The following TGM5 variants were observed in gnomAD, a reference collection of about 807,000 sequenced individuals.
TGM5 encodes protein-glutamine gamma-glutamyltransferase 5.
A neutral mutation model predicts 77.2 loss-of-function variants in TGM5; 69 were observed. The observed-to-expected ratio is 0.89, with a 90% CI of 0.74 to 1.09. The LOEUF is 1.09. Among genes scored for constraint, TGM5 ranks in the 50% least tolerant of loss-of-function variants. The pLI is 0.00. For missense variants in TGM5, 842 were observed against 896.5 expected (o/e 0.94, Z 0.78); for synonymous variants, 346 against 351.8 (o/e 0.98, Z 0.18).
At position 43,238,853 on chromosome 15, in the gene TGM5, G is replaced by T. The variant is rs375323388; in HGVS notation, c.1309C>A (p.Arg437=). Residue 437 remains arginine (R), a synonymous_variant, in exon 9 of 13, where the codon CGG becomes AGG. Coordinates refer to ENST00000220420, the MANE Select transcript of TGM5 (RefSeq NM_201631.4). The stretch of plus-strand genomic sequence containing the variant: ...TTGTAGTTCTCTGTGATGTCATCCC[G>T]CTCGTCACTCTGGATGCTCTTTGTG... ...ISTKSIQSDE[R]DDITENYKYE... The T allele has an allele frequency of 2.5e-6, 4 of 1,614,040 alleles. No homozygotes were observed. Among genetic ancestry groups the T allele is most frequent in the African/African-American group, 2.7e-5 (2 of 74,996 alleles).
intron 6 of TGM5, among the ~76,000 whole-genome samples, chr15:43,246,094 T>C (rs1408894485): frequency 6.6e-6 from 1 of 152,186 alleles, no homozygotes; most frequent in East Asian, 1.9e-4. Flanking sequence ...GAATATTTTA[T>C]ATCTAACTTC....
At chr15:43,253,157 C>T (rs1201022335) in intron 5 of TGM5, among the ~76,000 whole-genome samples, 1 of 152,176 alleles carries the variant, frequency 6.6e-6, no homozygotes, top group Non-Finnish European at 1.5e-5. Context: ...TTCCTATCTA[C>T]CCCTTACCCA....
Position 43,249,478 on chromosome 15 carries a change from A to C in TGM5, c.862+3281T>G, listed in dbSNP as rs1050015546. The stretch of plus-strand genomic sequence containing the variant: ...CCACGCTCTACTTTCTATCTCTATG[A>C]ATTTGCCTGCTCTGGACATTTCATA... On this transcript the variant is annotated intron_variant, in intron 6 of 12. Coordinates refer to ENST00000220420, the MANE Select transcript of TGM5 (RefSeq NM_201631.4). Among the ~76,000 whole-genome samples, 4 of 152,298 alleles carry C rather than the reference A, an allele frequency of 2.6e-5. No individual in the cohort carries two copies. In the South Asian group the frequency reaches 8.3e-4, roughly 32 times the overall value.
chr15:43,254,381 A>G (rs901851989), intron 4 of TGM5, among the ~76,000 whole-genome samples: 1 of 152,248 alleles, frequency 6.6e-6, no homozygotes, highest in Admixed American at 6.5e-5. Flanking sequence ...AGCACATTGC[A>G]GGAACTCTGT....
rs1232129373 is a variant in TGM5, at chr15:43,235,523, G to T, written c.1660C>A (p.Pro554Thr). 2.5e-6 allele frequency: 4 copies of T among 1,614,196 alleles called. No individual in the cohort carries two copies. The highest frequency in any genetic ancestry group is 3.4e-6 in the Non-Finnish European group (4 of 1,180,036). Residue 554 changes from proline (P) to threonine (T), a missense_variant, in exon 10 of 13, where the codon CCC becomes ACC. Physicochemically the swap from Pro to Thr is conservative, Grantham distance 38. Transcript: ENST00000220420. ...GTGTCCTGCCAGAATGGGGACAGGGGGCTGCCATCGTGCAGCAGAGACTGG... is the reference window on the plus strand; with the variant it reads ...GTGTCCTGCCAGAATGGGGACAGGGTGCTGCCATCGTGCAGCAGAGACTGG... ...SAQSLLHDGS[P>T]LSPFWQDTAF...
intron 6 of TGM5, among the ~76,000 whole-genome samples, chr15:43,251,136 A>G (rs2042700648): frequency 6.6e-6 from 1 of 152,116 alleles, no homozygotes; most frequent in Admixed American, 6.6e-5. Context: ...TGAAGGACTC[A>G]GTCCTCTCAC....
intron 6 of TGM5, among the ~76,000 whole-genome samples, chr15:43,246,234 G>A (rs2042669395): frequency 6.6e-6 from 1 of 152,154 alleles, no homozygotes; most frequent in African/African-American, 2.4e-5. Context: ...TTGAATTAAA[G>A]GATCTCTTTG....
At chr15:43,262,989 C>T (rs562524264) in intron 1 of TGM5, among the ~76,000 whole-genome samples, 6 of 152,098 alleles carry the variant, frequency 3.9e-5, no homozygotes, top group Non-Finnish European at 5.9e-5. Context: ...CCAAGGAACC[C>T]GCCAAAAAAT....
At chr15:43,248,085 C>T (rs1425189901) in intron 6 of TGM5, among the ~76,000 whole-genome samples, 1 of 152,074 alleles carries the variant, frequency 6.6e-6, no homozygotes, top group Non-Finnish European at 1.5e-5. Flanking sequence ...ATATAGTTAA[C>T]TCTAAACATT....
At chr15:43,246,635 A>T (rs1307557670) in intron 6 of TGM5, among the ~76,000 whole-genome samples, 1 of 152,194 alleles carries the variant, frequency 6.6e-6, no homozygotes, top group Non-Finnish European at 1.5e-5. Flanking sequence ...ACGAGATGAG[A>T]TCACAATTGA....
chr15:43,253,899 T>C (rs1326386557), intron 4 of TGM5, among the ~76,000 whole-genome samples: 1 of 152,102 alleles, frequency 6.6e-6, no homozygotes, highest in African/African-American at 2.4e-5. Flanking sequence ...TTGTTTGGGT[T>C]TTTTCCCCAG....
intron 6 of TGM5, among the ~76,000 whole-genome samples, chr15:43,248,908 A>G (rs1009658568): frequency 4.6e-5 from 7 of 152,214 alleles, no homozygotes; most frequent in Non-Finnish European, 1.0e-4. Flanking sequence ...GGGTTTTCAA[A>G]AAAGTATTAA....
At chr15:43,241,826 G>T (rs1297843395) in intron 6 of TGM5, among the ~76,000 whole-genome samples, 3 of 151,722 alleles carry the variant, frequency 2.0e-5, no homozygotes, top group Non-Finnish European at 4.4e-5. Flanking sequence ...TTTTAGTAGA[G>T]ACGGGGTTTT....
Position 43,239,219 on chromosome 15 carries a change from G to T in TGM5, c.1049C>A (p.Pro350His). 6.2e-7 allele frequency: 1 copy of T among 1,614,134 alleles called. No individual in the cohort carries two copies. Among genetic ancestry groups the T allele is most frequent in the Non-Finnish European group, 8.5e-7 (1 of 1,180,008 alleles). Reference protein sequence around the residue: ...NECWMARKDLPPAYGGWQVLD... With the variant: ...NECWMARKDLHPAYGGWQVLD... ...CACCTGCCAGCCTCCATATGCAGGGGGCAGATCCTTCCGGGCCATCCAGCA... is the reference window on the plus strand; with the variant it reads ...CACCTGCCAGCCTCCATATGCAGGGTGCAGATCCTTCCGGGCCATCCAGCA... Residue 350 changes from proline (P) to histidine (H), a missense_variant, in exon 8 of 13, where the codon CCC (proline) becomes CAC (histidine). Pro to His is a moderately conservative substitution (Grantham distance 77). Around this residue, in one of 2 missense-constraint regions of TGM5, gnomAD observed 815 missense variants for 844.6 expected, o/e 0.96. Coordinates refer to ENST00000220420, the MANE Select transcript of TGM5 (RefSeq NM_201631.4).
chr15:43,252,675 G>A, intron 6 of TGM5, 84 bp downstream of exon 6: 1 of 1,527,792 alleles, frequency 6.5e-7, no homozygotes, highest in Non-Finnish European at 9.0e-7. Context: ...GAACTGTGTG[G>A]GACTGGGATG....
chr15:43,261,090 T>TG (rs1566837515), intron 1 of TGM5, among the ~76,000 whole-genome samples: 5,250 of 96,756 alleles, frequency 0.054, 291 homozygotes, highest in Non-Finnish European at 0.066. Context: ...TTTTTTTTTT[T>TG]TTTTTTTTTT....
intron 4 of TGM5, 97 bp downstream of exon 4, chr15:43,256,471 C>T (rs550350707): frequency 2.2e-5 from 21 of 953,924 alleles, no homozygotes; most frequent in Admixed American, 3.4e-5. Flanking sequence ...ATTTAGTTAG[C>T]GTTGGTCAGC....
In TGM5 at chr15:43,260,232, T is replaced by G; in HGVS notation, c.256A>C (p.Ser86Arg). The change falls in exon 3 of 13, where the codon AGC becomes CGC. Residue 86 changes from serine to arginine, a missense_variant. This residue lies in a region of TGM5 where 815 missense variants were observed against 844.6 expected (regional missense o/e 0.96). Coordinates refer to ENST00000220420, the MANE Select transcript of TGM5 (RefSeq NM_201631.4). ...VFSLARHHSP[S>R]PWIAWLETNG... The stretch of plus-strand genomic sequence containing the variant: ...GTCTCCAGCCAGGCAATCCAGGGGC[T>G]GGGGCTGTGATGGCGTGCCAGGCTG... 1.9e-6 allele frequency: 3 copies of G among 1,613,974 alleles called. No individual in the cohort carries two copies. The highest frequency in any genetic ancestry group is 1.7e-6 in the Non-Finnish European group (2 of 1,180,020).
At position 43,233,343 on chromosome 15, in the gene TGM5, G is replaced by A. The variant is rs1205711460; in HGVS notation, c.2011C>T (p.Leu671Phe). ...TGGTGTTGGGGTTTGAGGACTCCAA[G>A]GCTGCAACAGAGAATGGAGCATGTC... ...GLFKKQQKVF[L>F]GVLKPQHQAS... Residue 671 changes from leucine to phenylalanine, a missense_variant and splice_region_variant, in exon 13 of 13, where the codon CTT (leucine) becomes TTT (phenylalanine). By Grantham distance (22) the Leu-to-Phe change is conservative (BLOSUM62 0). This residue lies in a region of TGM5 where 815 missense variants were observed against 844.6 expected (regional missense o/e 0.96). Coordinates refer to ENST00000220420, the MANE Select transcript of TGM5 (RefSeq NM_201631.4). The A allele has an allele frequency of 6.2e-7, 1 of 1,613,612 alleles. No individual in the cohort carries two copies. Among genetic ancestry groups the A allele is most frequent in the Non-Finnish European group, 8.5e-7 (1 of 1,180,024 alleles).
Sources: gnomAD v4.1 joint callset for allele counts (sites outside exome capture counted in the v4.1 genomes callset) on GRCh38, gnomAD v4.1.1 for gene constraint, gnomAD v4.1.1 regional missense constraint, MANE v1.5 for transcripts, NCBI Gene and HGNC (gene_info 2026-07-23, HGNC 2026-07-21) for gene names.